The following ABCC4 variants were observed in gnomAD, a reference collection of about 807,000 sequenced individuals.
ABCC4 encodes ATP-binding cassette sub-family C member 4.
Under a neutral mutation model 168.5 loss-of-function variants are expected in ABCC4, and 102 were observed. The observed-to-expected ratio is 0.61, with a 90% confidence interval of 0.52 to 0.71. ABCC4 has a LOEUF of 0.71. Ranked by LOEUF, ABCC4 falls within the 30% of genes least tolerant of loss-of-function variation. The probability of loss-of-function intolerance (pLI) is 0.00; values close to 1 mark genes in which losing one functional copy is unlikely to be tolerated. For synonymous variants in ABCC4, 617 were observed against 590.7 expected (o/e 1.04, Z -0.65); for missense variants, 1,402 against 1,605.8 (o/e 0.87, Z 2.17).
At chr13:95,110,226 T>C (rs543362592) in intron 20 of ABCC4, among the ~76,000 whole-genome samples, 4 of 151,176 alleles carry the variant, frequency 2.6e-5, no homozygotes, top group Non-Finnish European at 4.4e-5. Flanking sequence ...GGAGAATTGC[T>C]TGAACCCAGG....
intron 20 of ABCC4, among the ~76,000 whole-genome samples, chr13:95,099,842 T>A (rs900947684): frequency 2.6e-5 from 4 of 151,754 alleles, no homozygotes; most frequent in Non-Finnish European, 4.4e-5. Flanking sequence ...AACAAGTGAG[T>A]CACAAAACTC....
intron 19 of ABCC4, among the ~76,000 whole-genome samples, chr13:95,131,560 C>T (rs753543271): frequency 2.4e-4 from 36 of 152,036 alleles, no homozygotes; most frequent in Non-Finnish European, 2.9e-4. Flanking sequence ...ACCCCAGAGG[C>T]GGAGGCTACA....
intron 5 of ABCC4, among the ~76,000 whole-genome samples, 178 bp from the exon 6 acceptor site, chr13:95,209,775 G>C (rs953424791): frequency 6.6e-6 from 1 of 152,212 alleles, no homozygotes; most frequent in African/African-American, 2.4e-5. Flanking sequence ...AGCCATTCTG[G>C]GGAAACAAAG....
chr13:95,194,038 G>A (rs2038339964), intron 9 of ABCC4, among the ~76,000 whole-genome samples: 1 of 152,194 alleles, frequency 6.6e-6, no homozygotes, highest in African/African-American at 2.4e-5. Flanking sequence ...CCATAGTAGT[G>A]GCGTCTATGA....
intron 5 of ABCC4, 40 bp from the exon 6 acceptor site, chr13:95,209,637 A>G (rs2038896109): frequency 2.5e-6 from 4 of 1,569,872 alleles, no homozygotes; most frequent in Non-Finnish European, 2.6e-6. Context: ...GACTCCAGAA[A>G]AGCAAAACCA....
At chr13:95,262,055 G>A (rs2138853762) in intron 1 of ABCC4, among the ~76,000 whole-genome samples, 1 of 152,308 alleles carries the variant, frequency 6.6e-6, no homozygotes, top group Admixed American at 6.5e-5. Context: ...AGTGAACAAT[G>A]ATCAAAAGTA....
At position 95,020,690 on chromosome 13, in the gene ABCC4, G is replaced by A. The variant is rs1052054720; in HGVS notation, c.*885C>T. 2.0e-5 allele frequency: 3 copies of A among 152,156 alleles called. No individual in the cohort carries two copies. The highest frequency in any genetic ancestry group is 6.6e-5 in the Admixed American group (1 of 15,262). 9.4% of individuals were successfully genotyped at this position (152,156 alleles called of 1,614,324 possible). On this transcript the variant is annotated 3_prime_UTR_variant, in exon 31 of 31. Transcript: ENST00000645237. ...ATTTCAATACAGCCCAAACCAAAAG[G>A]CTTACAGTCAACAGAGGGTTAGCCT...
At chr13:95,214,080 G>A (rs764873604) in intron 4 of ABCC4, among the ~76,000 whole-genome samples, 3 of 152,088 alleles carry the variant, frequency 2.0e-5, no homozygotes, top group South Asian at 2.1e-4. Flanking sequence ...GTTTAGGAGC[G>A]AGATAGGTAA....
intron 19 of ABCC4, among the ~76,000 whole-genome samples, chr13:95,127,694 C>T (rs746655918): frequency 1.3e-5 from 2 of 152,182 alleles, no homozygotes; most frequent in African/African-American, 4.8e-5. Flanking sequence ...TCTATCCCCT[C>T]AGTGGTGATC....
chr13:95,048,426 CTGTTTCCA>C (rs140544633), intron 27 of ABCC4, among the ~76,000 whole-genome samples: 23,497 of 152,118 alleles, frequency 0.15, 2,034 homozygotes, highest in African/African-American at 0.23. Context: ...ATGTCAGATT[CTGTTTCCA>C]TGTTTCTTTG....
At chr13:95,279,456 G>A (rs1431472176) in intron 1 of ABCC4, among the ~76,000 whole-genome samples, 1 of 152,192 alleles carries the variant, frequency 6.6e-6, no homozygotes, top group Non-Finnish European at 1.5e-5. Context: ...CATGGTTATG[G>A]TAGCATTCTA....
At chr13:95,181,423 T>C (rs1461758228) in intron 11 of ABCC4, among the ~76,000 whole-genome samples, 1 of 152,230 alleles carries the variant, frequency 6.6e-6, no homozygotes, top group East Asian at 1.9e-4. Flanking sequence ...CTATTCTTCT[T>C]TCAGGGCCCA....
chr13:95,102,244 A>C (rs975716633), intron 20 of ABCC4, among the ~76,000 whole-genome samples: 2 of 152,150 alleles, frequency 1.3e-5, no homozygotes, highest in African/African-American at 2.4e-5. Context: ...TTCTGGGCTC[A>C]AGTGATCTTC....
At chr13:95,100,447 G>GA (rs1054075767) in intron 20 of ABCC4, among the ~76,000 whole-genome samples, 3 of 152,090 alleles carry the variant, frequency 2.0e-5, no homozygotes, top group Non-Finnish European at 4.4e-5. Flanking sequence ...TATCACACTG[G>GA]AAAAAACCCA....
intron 4 of ABCC4, among the ~76,000 whole-genome samples, chr13:95,224,634 G>A (rs2039403716): frequency 6.6e-6 from 1 of 152,256 alleles, no homozygotes; most frequent in Admixed American, 6.5e-5. Context: ...CTACTCGGGA[G>A]GCTGAGACAG....
chr13:95,206,182 A>T (rs2038773933), intron 8 of ABCC4, among the ~76,000 whole-genome samples: 1 of 152,176 alleles, frequency 6.6e-6, no homozygotes, highest in African/African-American at 2.4e-5. Context: ...TACTCAACTC[A>T]TACTCACTAC....
intron 20 of ABCC4, among the ~76,000 whole-genome samples, chr13:95,107,407 G>A (rs1171349222): frequency 3.3e-5 from 5 of 152,074 alleles, no homozygotes; most frequent in Non-Finnish European, 5.9e-5. Context: ...TAACTCTTTA[G>A]TATACTTATG....
chr13:95,245,860 C>T (rs1451607129), intron 3 of ABCC4, among the ~76,000 whole-genome samples: 1 of 145,618 alleles, frequency 6.9e-6, no homozygotes, highest in Non-Finnish European at 1.5e-5. Flanking sequence ...AACCCCCCCA[C>T]ATACAAACCA....
chr13:95,107,904 A>G (rs891332853), intron 20 of ABCC4, among the ~76,000 whole-genome samples: 9 of 152,140 alleles, frequency 5.9e-5, no homozygotes, highest in Non-Finnish European at 1.2e-4. Flanking sequence ...ACACCACTGC[A>G]CTCCAGCCTG....
Sources: gnomAD v4.1 joint callset for allele counts (sites outside exome capture counted in the v4.1 genomes callset) on GRCh38, gnomAD v4.1.1 for gene constraint, MANE v1.5 for transcripts, NCBI Gene and HGNC (gene_info 2026-07-23, HGNC 2026-07-21) for gene names.